Variants in HECTD4 observed in about 807,000 individuals in gnomAD.
The protein encoded by HECTD4 is probable E3 ubiquitin-protein ligase HECTD4.
In HECTD4, 114 loss-of-function variants were observed where a neutral mutation model predicts 471.5. The observed-to-expected ratio is 0.24, with a 90% confidence interval of 0.21 to 0.28. The LOEUF (loss-of-function observed/expected upper bound fraction) is 0.28. Ranked by LOEUF, HECTD4 falls within the 10% of genes least tolerant of loss-of-function variation. The pLI is 1.00. For missense variants in HECTD4, 3,866 were observed against 5,651.5 expected (o/e 0.68, Z 10.13); for synonymous variants, 2,012 against 2,256.0 (o/e 0.89, Z 3.07).
chr12:112,372,520 G>A (rs1024918531), intron 1 of HECTD4, among the ~76,000 whole-genome samples: 2 of 478 alleles, frequency 4.2e-3, no homozygotes, highest in South Asian at 0.071. Context: ...CTGACCTCGT[G>A]TGATCCGCCC....
At chr12:112,233,420 A>G (rs1167828668) in intron 37 of HECTD4, among the ~76,000 whole-genome samples, 1 of 151,606 alleles carries the variant, frequency 6.6e-6, no homozygotes. Context: ...ATGGGATCTC[A>G]CTATGTTGCC....
At chr12:112,311,948 C>A (rs895208469) in intron 4 of HECTD4, among the ~76,000 whole-genome samples, 10 of 152,198 alleles carry the variant, frequency 6.6e-5, no homozygotes, top group African/African-American at 2.4e-4. Context: ...AAAAGCCTTG[C>A]CGCTTCTTCT....
chr12:112,308,922 C>A, intron 5 of HECTD4, 31 bp from the exon 6 acceptor site: 4 of 1,529,238 alleles, frequency 2.6e-6, no homozygotes, highest in Non-Finnish European at 3.5e-6. Context: ...CAGGCTGAAT[C>A]ACCTGGCTAT....
intron 60 of HECTD4, 71 bp downstream of exon 60, chr12:112,190,715 G>C: frequency 7.0e-7 from 1 of 1,434,472 alleles, no homozygotes; most frequent in South Asian, 1.4e-5. Context: ...CACCTGGCAA[G>C]CTCCTTCCTC....
chr12:112,250,884 C>G, intron 24 of HECTD4, 87 bp downstream of exon 24: 1 of 1,348,462 alleles, frequency 7.4e-7, no homozygotes, highest in Non-Finnish European at 1.0e-6. Flanking sequence ...GGCACAATCA[C>G]CTGGGAAATG....
chr12:112,193,173 G>C lies in HECTD4; in HGVS notation c.8974C>G (p.Pro2992Ala). The part of the protein sequence containing the change: ...SFLQTAPEQF[P>A]SEEFPISESK... The stretch of plus-strand genomic sequence containing the variant: ...TCGGAAATTGGGAACTCTTCGGAGG[G>C]GAACTGCTCTGGTGCTGTCTGCAAA... The change falls in exon 58 of 76, where the codon CCC becomes GCC. Residue 2992 changes from proline to alanine, a missense_variant. By Grantham distance (27) the Pro-to-Ala change is conservative. Coordinates refer to ENST00000682272, the MANE Select transcript of HECTD4 (RefSeq NM_001388303.1). The surrounding 1 kb of genome is among the most constrained non-coding windows in gnomAD (Gnocchi z 5.2). 2 of 1,613,932 alleles carry C rather than the reference G, an allele frequency of 1.2e-6. No homozygotes were observed. Among genetic ancestry groups the C allele is most frequent in the Non-Finnish European group, 1.7e-6 (2 of 1,179,878 alleles).
chr12:112,168,689 G>A (rs1367365300), intron 70 of HECTD4, among the ~76,000 whole-genome samples: 1 of 152,226 alleles, frequency 6.6e-6, no homozygotes, highest in Non-Finnish European at 1.5e-5. Flanking sequence ...AAGGCCAGGG[G>A]CCTGGACCCT....
intron 8 of HECTD4, among the ~76,000 whole-genome samples, chr12:112,281,544 A>G (rs1383999644): frequency 6.6e-6 from 1 of 152,190 alleles, no homozygotes; most frequent in Non-Finnish European, 1.5e-5. Context: ...GGTAACAACA[A>G]AAACAAAAAC....
intron 1 of HECTD4, among the ~76,000 whole-genome samples, chr12:112,336,284 G>A (rs2035956903): frequency 6.6e-6 from 1 of 152,098 alleles, no homozygotes; most frequent in African/African-American, 2.4e-5. Flanking sequence ...AGCACTTTGG[G>A]AGGCCGAGGC....
intron 1 of HECTD4, among the ~76,000 whole-genome samples, chr12:112,328,232 G>A (rs1160111914): frequency 2.0e-5 from 3 of 151,960 alleles, no homozygotes; most frequent in Admixed American, 2.0e-4. Flanking sequence ...TCCACCACCT[G>A]GGCTCAAGTG....
chr12:112,323,884 G>A, intron 1 of HECTD4, among the ~76,000 whole-genome samples: 1 of 151,426 alleles, frequency 6.6e-6, no homozygotes, highest in Non-Finnish European at 1.5e-5. Context: ...ATATCACTGG[G>A]TAAAGATATA....
intron 7 of HECTD4, 58 bp downstream of exon 7, chr12:112,306,006 A>C (rs1269448959): frequency 1.3e-6 from 2 of 1,529,590 alleles, no homozygotes; most frequent in Non-Finnish European, 1.8e-6. Flanking sequence ...CACCAATATA[A>C]AAAGAAAGCA....
At chr12:112,237,818 G>C (rs1026648461) in intron 34 of HECTD4, among the ~76,000 whole-genome samples, 2 of 150,960 alleles carry the variant, frequency 1.3e-5, no homozygotes, top group African/African-American at 4.9e-5. Context: ...GCAATGGCAT[G>C]ATCTTGGTTC....
chr12:112,235,872 C>T lies in HECTD4; in HGVS notation c.5445-88G>A. On this transcript the variant is annotated intron_variant, in intron 35 of 75. Coordinates refer to ENST00000682272, the MANE Select transcript of HECTD4 (RefSeq NM_001388303.1). This position sits in a 1 kb window ranked among gnomAD's most constrained non-coding sequence, Gnocchi z 5.0. ...CAAGAGTTCTCTGAATGAAACAAAC[C>T]AATGAAATCTGATTTCACGAGGAAT... 1.8e-6 allele frequency: 2 copies of T among 1,141,696 alleles called. No homozygotes were observed. Among genetic ancestry groups the T allele is most frequent in the Non-Finnish European group, 2.4e-6 (2 of 816,790 alleles). 70.7% of individuals were successfully genotyped at this position (1,141,696 alleles called of 1,614,324 possible). A position where few individuals can be genotyped will look rare whatever the true frequency, so the allele number is the denominator to read the frequency against.
chr12:112,231,377 T>A (rs762566045), intron 39 of HECTD4, 136 bp downstream of exon 39: 30 of 755,828 alleles, frequency 4.0e-5, no homozygotes, highest in Non-Finnish European at 5.2e-5. Flanking sequence ...GTACCTTGAG[T>A]GCAACTACTA....
In HECTD4 at chr12:112,192,616, G is replaced by A. The variant is rs770648402; in HGVS notation, c.9236C>T (p.Thr3079Ile). 14 of 1,609,386 alleles carry A rather than the reference G, an allele frequency of 8.7e-6. No individual in the cohort carries two copies. Among genetic ancestry groups the A allele is most frequent in the Non-Finnish European group, 1.1e-5 (13 of 1,178,310 alleles). The change falls in exon 59 of 76, where the codon ACC becomes ATC. Residue 3079 changes from threonine to isoleucine, a missense_variant. By Grantham distance (89) the Thr-to-Ile change is moderately conservative. This residue lies in a region of HECTD4 where 364 missense variants were observed against 413.2 expected (regional missense o/e 0.88). Coordinates refer to ENST00000682272, the MANE Select transcript of HECTD4 (RefSeq NM_001388303.1). Reference protein sequence around the residue: ...PANTGLAPPPTADQYPSVVLS... With the variant: ...PANTGLAPPPIADQYPSVVLS... ...GACCACAGAGGGGTACTGGTCAGCGGTGGGGGGAGGTGCAAGCCCAGTGTT... is the reference window on the plus strand; with the variant it reads ...GACCACAGAGGGGTACTGGTCAGCGATGGGGGGAGGTGCAAGCCCAGTGTT...
intron 1 of HECTD4, among the ~76,000 whole-genome samples, chr12:112,361,943 A>G (rs1168211140): frequency 6.6e-6 from 1 of 152,208 alleles, no homozygotes; most frequent in Non-Finnish European, 1.5e-5. Context: ...TTAACTCCAG[A>G]AGCAGGAAGA....
At chr12:112,214,442 G>A (rs576037119) in intron 48 of HECTD4, among the ~76,000 whole-genome samples, 1 of 152,290 alleles carries the variant, frequency 6.6e-6, no homozygotes, top group African/African-American at 2.4e-5. Flanking sequence ...CATCCCCAGG[G>A]GCCAGAAGAG....
intron 7 of HECTD4, among the ~76,000 whole-genome samples, chr12:112,290,849 AAAAAAAAACAAAAC>A (rs1202857069): frequency 1.6e-5 from 2 of 123,552 alleles, no homozygotes; most frequent in East Asian, 7.1e-4. Context: ...ACTCCGTCTC[AAAAAAAAACAAAAC>A]AAAAAAAAAA....
Sources: allele counts gnomAD v4.1 joint callset (sites outside exome capture counted in the v4.1 genomes callset), GRCh38; gene constraint gnomAD v4.1.1; regional missense constraint gnomAD v4.1.1; non-coding constraint Gnocchi (gnomAD v3.1); transcripts MANE v1.5; gene names NCBI Gene and HGNC (gene_info 2026-07-23, HGNC 2026-07-21).